The following ANKS1B variants were observed in gnomAD, a reference collection of about 807,000 sequenced individuals.
ANKS1B encodes the protein ankyrin repeat and sterile alpha motif domain containing 1B, also known as ankyrin repeat and sterile alpha motif domain-containing protein 1B.
Under a neutral mutation model 148.3 loss-of-function variants are expected in ANKS1B, and 36 were observed. That is an observed-to-expected ratio of 0.24 (90% CI 0.19 to 0.32). The LOEUF (loss-of-function observed/expected upper bound fraction) is 0.32, where lower values mean the gene tolerates loss of function less well. Ranked by LOEUF, ANKS1B falls within the 10% of genes least tolerant of loss-of-function variation. The pLI is 1.00. For missense variants in ANKS1B, 1,157 were observed against 1,542.6 expected (o/e 0.75, Z 4.19); for synonymous variants, 542 against 560.8 (o/e 0.97, Z 0.47).
At chr12:98,855,400 G>A (rs1241372305) in intron 17 of ANKS1B, among the ~76,000 whole-genome samples, 1 of 152,164 alleles carries the variant, frequency 6.6e-6, no homozygotes, top group Non-Finnish European at 1.5e-5. Flanking sequence ...AAGGACTCCA[G>A]TGCCTTAAAT....
intron 10 of ANKS1B, among the ~76,000 whole-genome samples, chr12:99,458,786 A>T (rs897517753): frequency 6.6e-6 from 1 of 152,062 alleles, no homozygotes; most frequent in African/African-American, 2.4e-5. Flanking sequence ...ACCGAGAAAA[A>T]AAGGCCAGGA....
intron 9 of ANKS1B, chr12:99,649,609 A>G (rs2098404913): frequency 1.9e-6 from 1 of 524,116 alleles, no homozygotes; most frequent in Non-Finnish European, 3.4e-6. Context: ...GAGGTCCAGG[A>G]GGAAGTATAG....
chr12:99,347,211 C>T (rs2090817453), intron 12 of ANKS1B, among the ~76,000 whole-genome samples: 1 of 151,944 alleles, frequency 6.6e-6, no homozygotes, highest in East Asian at 1.9e-4. Flanking sequence ...AGCAAATCAA[C>T]CAGCCACTGC....
chr12:99,858,471 C>T (rs1420234076), intron 1 of ANKS1B, among the ~76,000 whole-genome samples: 1 of 152,114 alleles, frequency 6.6e-6, no homozygotes, highest in African/African-American at 2.4e-5. Context: ...TATGGAGATT[C>T]CTTGAAGAAC....
intron 17 of ANKS1B, among the ~76,000 whole-genome samples, chr12:98,991,500 C>T (rs1480948499): frequency 6.6e-6 from 1 of 152,172 alleles, no homozygotes; most frequent in Non-Finnish European, 1.5e-5. Flanking sequence ...CATTGAATCT[C>T]TGAAGATAAA....
intron 20 of ANKS1B, among the ~76,000 whole-genome samples, chr12:98,803,969 C>T (rs147011279): frequency 7.6e-4 from 116 of 152,270 alleles, no homozygotes; most frequent in Admixed American, 7.3e-3. Context: ...ATTCCAATCT[C>T]GGTCTGGAAA....
At chr12:99,370,324 C>G (rs1424738842) in intron 12 of ANKS1B, among the ~76,000 whole-genome samples, 1 of 152,048 alleles carries the variant, frequency 6.6e-6, no homozygotes, top group Non-Finnish European at 1.5e-5. Flanking sequence ...GCAGGGATAG[C>G]CTGCCTCAGC....
At chr12:99,785,282 T>TC (rs71303562) in intron 4 of ANKS1B, among the ~76,000 whole-genome samples, 2 of 149,178 alleles carry the variant, frequency 1.3e-5, no homozygotes, top group African/African-American at 4.9e-5. Context: ...TGTGTGTGTG[T>TC]CTGTGTGTCT....
At chr12:98,768,531 G>A (rs983603890) in intron 25 of ANKS1B, among the ~76,000 whole-genome samples, 29 of 150,934 alleles carry the variant, frequency 1.9e-4, no homozygotes, top group Admixed American at 1.7e-3. Context: ...TCGGGAGATC[G>A]GGACCATCTT....
chr12:99,111,095 T>C (rs745834305), intron 15 of ANKS1B, among the ~76,000 whole-genome samples: 6 of 152,216 alleles, frequency 3.9e-5, no homozygotes, highest in Non-Finnish European at 7.3e-5. Context: ...ATATTCCACC[T>C]GGTGTCCTCA....
In ANKS1B at chr12:98,853,436, T is replaced by A. The variant is rs75692368; in HGVS notation, c.2779-21300A>T. 3.0e-4 allele frequency among the ~76,000 whole-genome samples: 46 copies of A among 152,190 alleles called. 1 individual carries two copies. The East Asian group carries it at 8.7e-3, about 29-fold the overall frequency. On this transcript the variant is annotated intron_variant, in intron 17 of 26. Coordinates refer to ENST00000683438, the MANE Select transcript of ANKS1B (RefSeq NM_001352186.2). ...GCGTGATGATGTGTCTCTTGGCCCA[T>A]CACAACGTAAGCATGCTGAGCAGAG...
At chr12:99,324,249 T>C (rs1348163569) in intron 12 of ANKS1B, among the ~76,000 whole-genome samples, 1 of 152,172 alleles carries the variant, frequency 6.6e-6, no homozygotes, top group South Asian at 2.1e-4. Context: ...AAGCTATTTA[T>C]TTGTATTTAC....
chr12:99,690,790 CTA>C (rs1567651300), intron 8 of ANKS1B, among the ~76,000 whole-genome samples: 1 of 152,156 alleles, frequency 6.6e-6, no homozygotes, highest in African/African-American at 2.4e-5. Context: ...GTAAGTGGAT[CTA>C]TGATTCCGAG....
intron 17 of ANKS1B, among the ~76,000 whole-genome samples, chr12:98,868,295 G>C (rs578048126): frequency 6.6e-6 from 1 of 151,788 alleles, no homozygotes; most frequent in Non-Finnish European, 1.5e-5. Context: ...GGTGTTAGGT[G>C]TGGGCTGCTT....
In ANKS1B at chr12:99,287,290, C is replaced by T. The variant is rs373201233; in HGVS notation, c.1757-40426G>A. 4.6e-5 allele frequency among the ~76,000 whole-genome samples: 7 copies of T among 152,108 alleles called. No individual in the cohort carries two copies. The East Asian group carries it at 9.6e-4, about 21-fold the overall frequency. On this transcript the variant is annotated intron_variant, in intron 12 of 26. Transcript: ENST00000683438. ...ATCTAAGGAATTCCCCTGGATCTCACCTAAGACCAGGAAGGTGGTATTTCT... is the reference window on the plus strand; with the variant it reads ...ATCTAAGGAATTCCCCTGGATCTCATCTAAGACCAGGAAGGTGGTATTTCT...
intron 1 of ANKS1B, among the ~76,000 whole-genome samples, chr12:99,848,484 C>T (rs968520861): frequency 3.3e-5 from 5 of 152,006 alleles, no homozygotes; most frequent in African/African-American, 9.7e-5. Flanking sequence ...CCATATATCA[C>T]GATAATGTAA....
intron 17 of ANKS1B, among the ~76,000 whole-genome samples, chr12:98,852,690 C>T (rs777545934): frequency 1.2e-4 from 19 of 152,232 alleles, no homozygotes; most frequent in Non-Finnish European, 2.5e-4. Context: ...GACACATTAG[C>T]GAGGTGGCAG....
intron 3 of ANKS1B, among the ~76,000 whole-genome samples, chr12:99,811,397 T>C (rs548352829): frequency 3.6e-4 from 55 of 151,898 alleles, no homozygotes; most frequent in Non-Finnish European, 6.9e-4. Flanking sequence ...TTTTCAAATA[T>C]AGTTTTACAA....
At chr12:99,755,171 T>TA (rs1235422599) in intron 8 of ANKS1B, among the ~76,000 whole-genome samples, 2 of 120,036 alleles carry the variant, frequency 1.7e-5, no homozygotes, top group Non-Finnish European at 3.5e-5. Context: ...ATGGGGATAT[T>TA]ACCCCGACCC....
Sources: allele counts gnomAD v4.1 joint callset (sites outside exome capture counted in the v4.1 genomes callset), GRCh38; gene constraint gnomAD v4.1.1; transcripts MANE v1.5; gene names NCBI Gene and HGNC (gene_info 2026-07-23, HGNC 2026-07-21).